SESTD1: variants seen among roughly 807,000 people sequenced by gnomAD.
SESTD1 encodes SEC14 and spectrin domain containing 1.
SESTD1 carries 43 observed loss-of-function variants against 101.7 expected under a neutral mutation model. The observed-to-expected ratio is 0.42, with a 90% confidence interval of 0.33 to 0.55. SESTD1 has a LOEUF of 0.55. Among genes scored for constraint, SESTD1 ranks in the 20% least tolerant of loss-of-function variants. SESTD1 has a pLI of 0.07. For synonymous variants in SESTD1, 283 were observed against 286.8 expected (o/e 0.99, Z 0.13); for missense variants, 647 against 815.1 (o/e 0.79, Z 2.51).
chr2:179,169,575 A>G (rs1399371276), intron 5 of SESTD1, among the ~76,000 whole-genome samples: 1 of 152,212 alleles, frequency 6.6e-6, no homozygotes, highest in Non-Finnish European at 1.5e-5. Context: ...CCTGAAAAAC[A>G]TTAAGAATCA....
At chr2:179,249,354 G>A (rs1247011103) in intron 1 of SESTD1, among the ~76,000 whole-genome samples, 1 of 151,768 alleles carries the variant, frequency 6.6e-6, no homozygotes, top group Non-Finnish European at 1.5e-5. Context: ...AAACCCTATT[G>A]TATTTCTACA....
chr2:179,247,815 G>GAATAAACAGA (rs1168675865), intron 1 of SESTD1, among the ~76,000 whole-genome samples: 1 of 151,536 alleles, frequency 6.6e-6, no homozygotes, highest in Non-Finnish European at 1.5e-5. Flanking sequence ...GCAGATACAG[G>GAATAAACAGA]AATAAACAGA....
intron 1 of SESTD1, among the ~76,000 whole-genome samples, chr2:179,209,908 G>C (rs897235307): frequency 7.6e-6 from 1 of 132,214 alleles, no homozygotes; most frequent in Non-Finnish European, 1.6e-5. Context: ...AAAGATAAAT[G>C]AAAAAAAAGC....
chr2:179,244,015 T>A (rs2047193711), intron 1 of SESTD1, among the ~76,000 whole-genome samples: 1 of 151,150 alleles, frequency 6.6e-6, no homozygotes. Flanking sequence ...TCCTAGCTAC[T>A]TGGGAGGCTC....
intron 1 of SESTD1, among the ~76,000 whole-genome samples, chr2:179,243,186 A>C (rs1164751357): frequency 1.3e-5 from 2 of 152,196 alleles, no homozygotes; most frequent in African/African-American, 4.8e-5. Context: ...AAAATGCTCA[A>C]TATCACTAGT....
rs146452223 is a variant in SESTD1 at position 179,196,245 on chromosome 2, C to T, written c.-25-4379G>A. 9.2e-5 allele frequency among the ~76,000 whole-genome samples: 14 copies of T among 152,326 alleles called. No homozygotes were observed. In the East Asian group the frequency reaches 1.7e-3, roughly 19 times the overall value. ...CTCCCACTCGAATCCTGCGCTTTTC[C>T]GACGGGCTTAAAAAACGGCGCACCA... On this transcript the variant is annotated intron_variant, in intron 1 of 17. Transcript: ENST00000428443.
chr2:179,247,686 T>C (rs2047254411), intron 1 of SESTD1, among the ~76,000 whole-genome samples: 2 of 152,048 alleles, frequency 1.3e-5, no homozygotes, highest in Non-Finnish European at 1.5e-5. Flanking sequence ...GGGATCCTCC[T>C]GCCTTGGTCT....
chr2:179,185,505 GTATATTGTATATTA>G (rs1487550130), intron 2 of SESTD1, among the ~76,000 whole-genome samples: 3 of 133,872 alleles, frequency 2.2e-5, no homozygotes, highest in Non-Finnish European at 3.1e-5. Flanking sequence ...ATATTATATC[GTATATTGTATATTA>G]TATATTGTAT....
intron 1 of SESTD1, among the ~76,000 whole-genome samples, chr2:179,197,942 C>A (rs1357955051): frequency 6.6e-6 from 1 of 151,734 alleles, no homozygotes; most frequent in African/African-American, 2.4e-5. Flanking sequence ...ATGACAGGAT[C>A]AAATTCACAC....
Position 179,124,392 on chromosome 2 carries a change from G to C in SESTD1, c.1139C>G (p.Ala380Gly). Residue 380 changes from alanine to glycine, a missense_variant, in exon 11 of 18, where the codon GCT becomes GGT. Coordinates refer to ENST00000428443, the MANE Select transcript of SESTD1 (RefSeq NM_178123.5). ...LEFRQNLLQAALEFHGVAQDL... is the reference protein window; with the variant it reads ...LEFRQNLLQAGLEFHGVAQDL... ...TTGGGCAACACCATGAAATTCAAGAGCTGCTTGTAAGAGATTTTGCCTAAA... is the reference window on the plus strand; with the variant it reads ...TTGGGCAACACCATGAAATTCAAGACCTGCTTGTAAGAGATTTTGCCTAAA... 6.2e-7 allele frequency: 1 copy of C among 1,614,018 alleles called. No homozygotes were observed. Among genetic ancestry groups the C allele is most frequent in the Non-Finnish European group, 8.5e-7 (1 of 1,179,934 alleles).
chr2:179,109,950 A>G lies in SESTD1; in HGVS notation c.2040T>C (p.Asn680=), dbSNP rs1165649741. The G allele has an allele frequency of 6.2e-7, 1 of 1,613,782 alleles. No individual in the cohort carries two copies. Among genetic ancestry groups the G allele is most frequent in the Non-Finnish European group, 8.5e-7 (1 of 1,179,902 alleles). ...GATGTCTCAGCTGCTGCCTTTTGAG[A>G]TTAACTAGTTTCATCCTGTCTCTGA... is the stretch of plus-strand genomic sequence containing the variant. ...ENIRDRMKLV[N]LKRQQLRHPE... Residue 680 remains asparagine, a synonymous_variant, in exon 18 of 18, where the codon AAT becomes AAC. Coordinates refer to ENST00000428443, the MANE Select transcript of SESTD1 (RefSeq NM_178123.5).
intron 1 of SESTD1, among the ~76,000 whole-genome samples, chr2:179,252,395 T>G (rs767786644): frequency 2.6e-5 from 4 of 152,224 alleles, no homozygotes; most frequent in Non-Finnish European, 5.9e-5. Flanking sequence ...TGAGCTTTCA[T>G]CTGGCTGTGA....
Position 179,110,101 on chromosome 2 carries a change from C to G in SESTD1, c.1962-73G>C. 2.7e-6 allele frequency: 4 copies of G among 1,459,370 alleles called. 1 individual carries two copies. The South Asian group carries it at 5.1e-5, about 18-fold the overall frequency. The allele number at this position is 1,459,370 out of a possible 1,614,324, so 90.4% of individuals were successfully genotyped here. ...TAACTGCAGTGAATACAAATAGAAGCAAAAATTTACCATAAAAAATCTACA... is the reference window on the plus strand; with the variant it reads ...TAACTGCAGTGAATACAAATAGAAGGAAAAATTTACCATAAAAAATCTACA... On this transcript the variant is annotated intron_variant, in intron 17 of 17. Transcript: ENST00000428443.
chr2:179,256,487 GTGACTGAAT>G (rs1418986496), intron 1 of SESTD1, among the ~76,000 whole-genome samples: 2 of 152,184 alleles, frequency 1.3e-5, no homozygotes, highest in African/African-American at 2.4e-5. Context: ...GCCTGAAGAT[GTGACTGAAT>G]TGCTGCAATC....
At chr2:179,121,732 A>G in intron 13 of SESTD1, 38 bp downstream of exon 13, 1 of 1,506,940 alleles carries the variant, frequency 6.6e-7, no homozygotes, top group Non-Finnish European at 8.9e-7. Context: ...TAATATTGTT[A>G]TTATTTTAGT....
intron 1 of SESTD1, among the ~76,000 whole-genome samples, chr2:179,211,619 TCACACACACATG>T (rs1041200329): frequency 7.5e-6 from 1 of 132,808 alleles, no homozygotes; most frequent in African/African-American, 3.0e-5. Flanking sequence ...GCAAGAAACG[TCACACACACATG>T]CACACACACA....
chr2:179,125,473 A>C (rs1184137763), intron 10 of SESTD1, among the ~76,000 whole-genome samples: 2 of 152,228 alleles, frequency 1.3e-5, no homozygotes, highest in Admixed American at 6.5e-5. Flanking sequence ...CCTGTACCAG[A>C]GTAGCCGAAC....
rs1279126359 is a variant in SESTD1 at position 179,107,911 on chromosome 2, T to A, written c.*1988A>T. On this transcript the variant is annotated 3_prime_UTR_variant, in exon 18 of 18. Coordinates refer to ENST00000428443, the MANE Select transcript of SESTD1 (RefSeq NM_178123.5). ...GTAAAGCCCCAAAGGACTGAGAAGA[T>A]GATTCAAGTATAGAAAGAACTTCCT... 6.6e-6 allele frequency: 1 copy of A among 152,092 alleles called. No individual in the cohort carries two copies. The highest frequency in any genetic ancestry group is 6.5e-5 in the Admixed American group (1 of 15,268). The allele number at this position is 152,092 out of a possible 1,614,324, so 9.4% of individuals were successfully genotyped here.
chr2:179,232,198 C>T (rs1237227214), intron 1 of SESTD1, among the ~76,000 whole-genome samples: 1 of 151,542 alleles, frequency 6.6e-6, no homozygotes, highest in African/African-American at 2.4e-5. Flanking sequence ...CAGATATTAA[C>T]AAAACTAAAA....
Sources: allele counts gnomAD v4.1 joint callset (sites outside exome capture counted in the v4.1 genomes callset), GRCh38; gene constraint gnomAD v4.1.1; transcripts MANE v1.5; gene names NCBI Gene and HGNC (gene_info 2026-07-23, HGNC 2026-07-21).